Variants in KGD4 observed in about 807,000 individuals in gnomAD.
KGD4 encodes the protein alpha-ketoglutarate dehydrogenase component 4.
the KGD4 span, chr5:69,217,770 G>C: frequency 1.2e-5 from 20 of 1,611,532 alleles, no homozygotes; most frequent in Non-Finnish European, 1.7e-5. Flanking sequence ...ACAGCTGCCC[G>C]GGACTCCAGT....
At chr5:69,224,328 T>G in the KGD4 span, among the ~76,000 whole-genome samples, 2 of 151,694 alleles carry the variant, frequency 1.3e-5, no homozygotes, top group Non-Finnish European at 2.9e-5. Context: ...GAGGCGGAGG[T>G]TGCAGTGAAC....
At chr5:69,218,064 C>T in the KGD4 span, 3 of 843,094 alleles carry the variant, frequency 3.6e-6, no homozygotes, top group Non-Finnish European at 5.5e-6. Flanking sequence ...GAGGTGGGTC[C>T]GGCGCCGAGG....
At chr5:69,220,593 G>A in the KGD4 span, among the ~76,000 whole-genome samples, 4 of 151,810 alleles carry the variant, frequency 2.6e-5, no homozygotes, top group Admixed American at 1.3e-4. Flanking sequence ...CCGCCACCCC[G>A]TCTGGGAAGT....
chr5:69,226,965 G>A, the KGD4 span, among the ~76,000 whole-genome samples: 1 of 152,060 alleles, frequency 6.6e-6, no homozygotes, highest in African/African-American at 2.4e-5. Flanking sequence ...TCCCCCTCCC[G>A]GGTTAAAGCA....
At chr5:69,227,014 G>C in the KGD4 span, among the ~76,000 whole-genome samples, 1 of 152,040 alleles carries the variant, frequency 6.6e-6, no homozygotes, top group Non-Finnish European at 1.5e-5. Flanking sequence ...TGGGATTACA[G>C]GCATACACTA....
chr5:69,217,795 G>C, the KGD4 span: 1 of 1,613,022 alleles, frequency 6.2e-7, no homozygotes. Context: ...GCCGCGGCTC[G>C]CTCGCGCCCC....
At chr5:69,226,794 G>A in the KGD4 span, among the ~76,000 whole-genome samples, 1 of 151,836 alleles carries the variant, frequency 6.6e-6, no homozygotes, top group Non-Finnish European at 1.5e-5. Context: ...GTTGCAGTGA[G>A]CTAAGATCAT....
chr5:69,225,302 T>A, the KGD4 span, among the ~76,000 whole-genome samples: 1 of 145,780 alleles, frequency 6.9e-6, no homozygotes, highest in East Asian at 2.1e-4. Context: ...TCTCGCTCTG[T>A]GGTCAGACTG....
the KGD4 span, among the ~76,000 whole-genome samples, chr5:69,225,606 T>C: frequency 2.7e-5 from 4 of 145,662 alleles, no homozygotes; most frequent in African/African-American, 1.0e-4. Flanking sequence ...AGTCTCACTC[T>C]GTAGCCCAGG....
At chr5:69,226,416 A>T in the KGD4 span, 3 of 1,539,958 alleles carry the variant, frequency 1.9e-6, no homozygotes, top group Non-Finnish European at 2.7e-6. Flanking sequence ...GTTGTATTTT[A>T]TTTAAATTTC....
At chr5:69,228,497 G>A in the KGD4 span, 1 of 1,130,594 alleles carries the variant, frequency 8.8e-7, no homozygotes, top group Non-Finnish European at 1.3e-6. Flanking sequence ...TCAGAGTGTG[G>A]TCAGAGCTAA....
the KGD4 span, among the ~76,000 whole-genome samples, chr5:69,218,670 T>C: frequency 2.6e-5 from 4 of 152,180 alleles, no homozygotes; most frequent in African/African-American, 9.6e-5. Flanking sequence ...ACCTCCACTT[T>C]TGTGGTTGGT....
the KGD4 span, chr5:69,226,227 T>G: frequency 1.4e-6 from 1 of 729,168 alleles, no homozygotes; most frequent in Non-Finnish European, 2.3e-6. Flanking sequence ...GAGTATAATT[T>G]AAAGTTGCTG....
At chr5:69,224,124 C>T in the KGD4 span, among the ~76,000 whole-genome samples, 4 of 151,998 alleles carry the variant, frequency 2.6e-5, no homozygotes, top group Non-Finnish European at 5.9e-5. Flanking sequence ...GGCATGGTGG[C>T]CCATGCCTGT....
At chr5:69,224,612 G>A in the KGD4 span, among the ~76,000 whole-genome samples, 1 of 151,990 alleles carries the variant, frequency 6.6e-6, no homozygotes, top group Non-Finnish European at 1.5e-5. Context: ...AAGTCAGGAG[G>A]CCAGGTGCAG....
At chr5:69,220,894 C>G in the KGD4 span, among the ~76,000 whole-genome samples, 1 of 152,010 alleles carries the variant, frequency 6.6e-6, no homozygotes, top group Non-Finnish European at 1.5e-5. Context: ...CCCCCAACCC[C>G]GTGCTCTCTG....
chr5:69,223,074 CTTTTTTTTT>C, the KGD4 span, among the ~76,000 whole-genome samples: 2 of 59,128 alleles, frequency 3.4e-5, no homozygotes, highest in South Asian at 1.7e-3. Context: ...CGGTGCGCAG[CTTTTTTTTT>C]TTTTTTTTTT....
At chr5:69,225,316 T>C in the KGD4 span, among the ~76,000 whole-genome samples, 1 of 146,136 alleles carries the variant, frequency 6.8e-6, no homozygotes, top group South Asian at 2.2e-4. Flanking sequence ...CAGACTGAAG[T>C]ATGGTGGCAC....
chr5:69,223,181 C>T, the KGD4 span, among the ~76,000 whole-genome samples: 8 of 140,634 alleles, frequency 5.7e-5, no homozygotes, highest in Admixed American at 1.5e-4. Context: ...CAGGTTCAAG[C>T]GATTCTCCTG....
Sources: allele counts gnomAD v4.1 joint callset (sites outside exome capture counted in the v4.1 genomes callset), GRCh38; gene constraint gnomAD v4.1.1; transcripts MANE v1.5; gene names NCBI Gene and HGNC (gene_info 2026-07-23, HGNC 2026-07-21).